The following EIPR1 variants were observed in gnomAD, a reference collection of about 807,000 sequenced individuals.
EIPR1 encodes the protein EARP complex and GARP complex interacting protein 1.
EIPR1 carries 25 observed loss-of-function variants against 48.1 expected under a neutral mutation model. The ratio of observed to expected loss-of-function variants is 0.52; its 90% CI spans 0.38 to 0.73. The LOEUF (loss-of-function observed/expected upper bound fraction) is 0.73, where lower values mean the gene tolerates loss of function less well. Ranked by LOEUF, EIPR1 falls within the 30% of genes least tolerant of loss-of-function variation. The pLI is 0.00. For missense variants in EIPR1, 415 were observed against 506.2 expected (o/e 0.82, Z 1.73); for synonymous variants, 204 against 201.9 (o/e 1.01, Z -0.09).
chr2:3,211,880 G>A (rs13394802), intron 5 of EIPR1, among the ~76,000 whole-genome samples: 7,763 of 152,324 alleles, frequency 0.051, 228 homozygotes, highest in South Asian at 0.076. Context: ...ACACAGGACG[G>A]CCATCCCTCT....
chr2:3,232,940 A>C (rs1666287675), intron 4 of EIPR1, among the ~76,000 whole-genome samples: 1 of 152,250 alleles, frequency 6.6e-6, no homozygotes, highest in Non-Finnish European at 1.5e-5. Context: ...TGAGTAAAAC[A>C]CAAGAAGCCT....
intron 5 of EIPR1, among the ~76,000 whole-genome samples, chr2:3,205,031 C>T (rs1665181756): frequency 6.6e-6 from 1 of 152,220 alleles, no homozygotes; most frequent in Admixed American, 6.5e-5. Context: ...GAAGCACGCA[C>T]CACCCTCTCA....
At chr2:3,360,271 G>A (rs1670820414) in intron 1 of EIPR1, among the ~76,000 whole-genome samples, 1 of 152,110 alleles carries the variant, frequency 6.6e-6, no homozygotes, top group African/African-American at 2.4e-5. Flanking sequence ...GGGCGTGGTG[G>A]TGAGCGCCTG....
At chr2:3,215,671 C>T (rs1665607434) in intron 4 of EIPR1, among the ~76,000 whole-genome samples, 1 of 152,220 alleles carries the variant, frequency 6.6e-6, no homozygotes, top group South Asian at 2.1e-4. Flanking sequence ...TAATTAAAGA[C>T]ATCAATAAGG....
intron 3 of EIPR1, among the ~76,000 whole-genome samples, chr2:3,272,925 A>C (rs925120358): frequency 4.6e-5 from 7 of 151,486 alleles, no homozygotes; most frequent in African/African-American, 1.7e-4. Flanking sequence ...CCTGACTGAC[A>C]AACTCTCCTA....
chr2:3,252,791 T>A (rs1667041786), intron 4 of EIPR1, among the ~76,000 whole-genome samples: 1 of 152,190 alleles, frequency 6.6e-6, no homozygotes, highest in East Asian at 1.9e-4. Flanking sequence ...GCACCAGGGC[T>A]GGCGGGGACC....
At position 3,294,145 on chromosome 2, in the gene EIPR1, T is replaced by C. The variant is rs542287784; in HGVS notation, c.260-36690A>G. Among the ~76,000 whole-genome samples, 6 of 152,270 alleles carry C rather than the reference T, an allele frequency of 3.9e-5. No individual in the cohort carries two copies. The South Asian group carries it at 1.2e-3, about 32-fold the overall frequency. Reference sequence around the variant, plus strand: ...TATTGTGTAGAAGTAATATTGTTCATTAGGAGAATCCCACAGGAGGAATAA... The same window carrying C: ...TATTGTGTAGAAGTAATATTGTTCACTAGGAGAATCCCACAGGAGGAATAA... On this transcript the variant is annotated intron_variant, in intron 3 of 8. Coordinates refer to ENST00000382125, the MANE Select transcript of EIPR1 (RefSeq NM_003310.5).
intron 3 of EIPR1, among the ~76,000 whole-genome samples, chr2:3,335,938 G>A (rs1046276233): frequency 5.3e-5 from 8 of 152,296 alleles, no homozygotes; most frequent in East Asian, 1.9e-4. Context: ...ACAGCAGTGC[G>A]AGAATGGACT....
At chr2:3,353,820 C>T (rs1469880518) in intron 2 of EIPR1, among the ~76,000 whole-genome samples, 3 of 152,100 alleles carry the variant, frequency 2.0e-5, no homozygotes, top group Non-Finnish European at 4.4e-5. Context: ...GCGTATTCTT[C>T]GACAGCTATT....
chr2:3,294,452 CAA>C (rs1668467697), intron 3 of EIPR1, among the ~76,000 whole-genome samples: 14 of 130,688 alleles, frequency 1.1e-4, no homozygotes, highest in South Asian at 2.7e-4. Flanking sequence ...ATCCTCTCTC[CAA>C]ACACACACCC....
At chr2:3,322,945 G>C (rs942913250) in intron 3 of EIPR1, among the ~76,000 whole-genome samples, 3 of 152,216 alleles carry the variant, frequency 2.0e-5, no homozygotes, top group Non-Finnish European at 4.4e-5. Context: ...CTTGGCGTAC[G>C]TGCGAGGTGT....
At chr2:3,243,847 G>A (rs1038324988) in intron 4 of EIPR1, among the ~76,000 whole-genome samples, 6 of 152,130 alleles carry the variant, frequency 3.9e-5, no homozygotes, top group Admixed American at 3.9e-4. Flanking sequence ...TGACGTACAG[G>A]GCATGGCTCT....
At chr2:3,284,081 G>A (rs183799279) in intron 3 of EIPR1, among the ~76,000 whole-genome samples, 1 of 152,400 alleles carries the variant, frequency 6.6e-6, no homozygotes, top group East Asian at 1.9e-4. Context: ...GTGCAAATGG[G>A]AGAGCCCACA....
At chr2:3,313,181 G>C (rs889059213) in intron 3 of EIPR1, among the ~76,000 whole-genome samples, 1 of 152,184 alleles carries the variant, frequency 6.6e-6, no homozygotes, top group African/African-American at 2.4e-5. Context: ...GGGCCAGACA[G>C]CCACCCACCC....
At chr2:3,234,213 GT>G (rs922078762) in intron 4 of EIPR1, among the ~76,000 whole-genome samples, 1 of 152,052 alleles carries the variant, frequency 6.6e-6, no homozygotes, top group African/African-American at 2.4e-5. Flanking sequence ...GTATTTTGCT[GT>G]TTTTTTTACC....
intron 1 of EIPR1, among the ~76,000 whole-genome samples, chr2:3,362,587 AG>A (rs1032665066): frequency 6.6e-5 from 10 of 151,442 alleles, no homozygotes; most frequent in African/African-American, 2.2e-4. Context: ...ATCACACAAA[AG>A]CAGGAAGAAG....
chr2:3,197,071 G>A, intron 5 of EIPR1, 54 bp from the exon 6 acceptor site: 11 of 1,602,366 alleles, frequency 6.9e-6, no homozygotes, highest in Non-Finnish European at 9.4e-6. Context: ...AGAATGTGAA[G>A]TCTGTTCAGA....
rs758206435 is a variant in EIPR1 at position 3,354,645 on chromosome 2, A to G, written c.43-12T>C. On this transcript the variant is annotated splice_polypyrimidine_tract_variant and intron_variant, in intron 1 of 8. Transcript: ENST00000382125. ...GTTAAGGCACGTGCCTGCAGGAGGG[A>G]AGAAAAACACATGCACATTTATGAA... 8.7e-6 allele frequency: 14 copies of G among 1,613,050 alleles called. No individual in the cohort carries two copies. The highest frequency in any genetic ancestry group is 5.0e-5 in the Admixed American group (3 of 59,930).
chr2:3,373,064 G>C (rs942449069), intron 1 of EIPR1, among the ~76,000 whole-genome samples: 3 of 152,166 alleles, frequency 2.0e-5, no homozygotes, highest in African/African-American at 7.2e-5. Context: ...TGGGATACAA[G>C]GCTGGTTCAA....
Sources: gnomAD v4.1 joint callset for allele counts (sites outside exome capture counted in the v4.1 genomes callset) on GRCh38, gnomAD v4.1.1 for gene constraint, MANE v1.5 for transcripts, NCBI Gene and HGNC (gene_info 2026-07-23, HGNC 2026-07-21) for gene names.